Variants in PRKN observed in about 807,000 individuals in gnomAD.
The protein encoded by PRKN is E3 ubiquitin-protein ligase parkin.
A neutral mutation model predicts 59.5 loss-of-function variants in PRKN; 56 were observed. The observed-to-expected ratio is 0.94, with a 90% CI of 0.76 to 1.18. The LOEUF is 1.18. PRKN is among the 50% of genes most tolerant of loss of function. The pLI, the probability that PRKN is intolerant of heterozygous loss-of-function variation, is 0.00. For synonymous variants in PRKN, 250 were observed against 222.1 expected (o/e 1.13, Z -1.12); for missense variants, 657 against 596.4 (o/e 1.10, Z -1.06).
chr6:161,794,130 C>T (rs1465285974), intron 6 of PRKN, among the ~76,000 whole-genome samples: 1 of 151,998 alleles, frequency 6.6e-6, no homozygotes, highest in Non-Finnish European at 1.5e-5. Context: ...TTTAAAAGTT[C>T]CCTATCAAAT....
At chr6:162,115,472 G>C (rs1389895721) in intron 4 of PRKN, among the ~76,000 whole-genome samples, 1 of 150,366 alleles carries the variant, frequency 6.7e-6, no homozygotes, top group Non-Finnish European at 1.5e-5. Flanking sequence ...TTGTGCACAT[G>C]TACCCTAAAA....
At chr6:161,648,543 T>G (rs6919446) in intron 7 of PRKN, among the ~76,000 whole-genome samples, 6,406 of 152,062 alleles carry the variant, frequency 0.042, 492 homozygotes, top group African/African-American at 0.15. Context: ...TGGATTCTCA[T>G]AAAATTAAAC....
rs1175810183 is a variant in PRKN at position 161,451,830 on chromosome 6, C to T, written c.1084-64953G>A. Among the ~76,000 whole-genome samples the T allele has an allele frequency of 6.6e-6, 1 of 152,172 alleles. No homozygotes were observed. Among genetic ancestry groups the T allele is most frequent in the African/African-American group, 2.4e-5 (1 of 41,434 alleles). ...AGATTTCCTGGCCAGTCCATGGAAC[C>T]CTCAAAATAGGTCCCTTAATTTTGT... On this transcript the variant is annotated intron_variant, in intron 9 of 11. Transcript: ENST00000366898. The surrounding 1 kb of genome is among the most constrained non-coding windows in gnomAD (Gnocchi z 5.9).
At chr6:161,933,067 G>A (rs1361099641) in intron 6 of PRKN, among the ~76,000 whole-genome samples, 1 of 152,190 alleles carries the variant, frequency 6.6e-6, no homozygotes. Context: ...ATCACCTGAT[G>A]TCAGGAGTTC....
At chr6:162,020,971 T>G (rs11758840) in intron 5 of PRKN, among the ~76,000 whole-genome samples, 1 of 150,360 alleles carries the variant, frequency 6.7e-6, no homozygotes, top group East Asian at 2.0e-4. Context: ...GGCATGGTGG[T>G]GCGCACCTGT....
At position 161,442,952 on chromosome 6, in the gene PRKN, A is replaced by C. The variant is rs1039275854; in HGVS notation, c.1084-56075T>G. ...CATTCTCCCCAGTGCACAGATGAGG[A>C]AATCGGGGCTCTGAGAGGTTAACTG... On this transcript the variant is annotated intron_variant, in intron 9 of 11. Transcript: ENST00000366898. This position sits in a 1 kb window ranked among gnomAD's most constrained non-coding sequence, Gnocchi z 4.6. 1.3e-5 allele frequency among the ~76,000 whole-genome samples: 2 copies of C among 152,158 alleles called. No individual in the cohort carries two copies. Among genetic ancestry groups the C allele is most frequent in the African/African-American group, 4.8e-5 (2 of 41,416 alleles).
chr6:161,695,496 G>A (rs1201048329), intron 7 of PRKN, among the ~76,000 whole-genome samples: 1 of 152,126 alleles, frequency 6.6e-6, no homozygotes, highest in Non-Finnish European at 1.5e-5. Context: ...TCTCAGCAAA[G>A]GCCTGATCTC....
chr6:162,471,394 C>T (rs963412489), intron 1 of PRKN, among the ~76,000 whole-genome samples: 28 of 152,116 alleles, frequency 1.8e-4, no homozygotes, highest in African/African-American at 6.5e-4. Context: ...CACTGTACCT[C>T]GCCTCCACAC....
At chr6:161,643,105 C>T (rs1158043134) in intron 7 of PRKN, among the ~76,000 whole-genome samples, 3 of 152,186 alleles carry the variant, frequency 2.0e-5, no homozygotes, top group African/African-American at 7.2e-5. Flanking sequence ...AATAGCTCAA[C>T]AATAGTTTTC....
intron 7 of PRKN, among the ~76,000 whole-genome samples, chr6:161,629,878 T>C (rs1783233553): frequency 6.6e-6 from 1 of 152,214 alleles, no homozygotes; most frequent in South Asian, 2.1e-4. Context: ...AAAAGCTTTG[T>C]TGACAAGCCC....
At chr6:162,179,119 A>G (rs1311329393) in intron 4 of PRKN, among the ~76,000 whole-genome samples, 1 of 152,138 alleles carries the variant, frequency 6.6e-6, no homozygotes, top group East Asian at 1.9e-4. Flanking sequence ...GCTTCAAGCA[A>G]CGCTCCTGCC....
chr6:161,902,441 C>A (rs1274431411), intron 6 of PRKN, among the ~76,000 whole-genome samples: 2 of 151,942 alleles, frequency 1.3e-5, no homozygotes, highest in Non-Finnish European at 2.9e-5. Flanking sequence ...TATGGTTTTG[C>A]TTATTCACTC....
At chr6:162,018,832 G>A (rs73030432) in intron 5 of PRKN, among the ~76,000 whole-genome samples, 32,180 of 152,044 alleles carry the variant, frequency 0.21, 3,581 homozygotes, top group African/African-American at 0.29. Context: ...ATGACTTTAT[G>A]TTATCTGAAA....
chr6:161,689,465 G>A (rs6455760), intron 7 of PRKN, among the ~76,000 whole-genome samples: 18,691 of 152,070 alleles, frequency 0.12, 1,231 homozygotes, highest in African/African-American at 0.14. Flanking sequence ...AGACTGTTCA[G>A]CACCCTGTAG....
chr6:161,998,080 TG>T (rs1781912859), intron 5 of PRKN, among the ~76,000 whole-genome samples: 1 of 152,166 alleles, frequency 6.6e-6, no homozygotes, highest in Non-Finnish European at 1.5e-5. Context: ...ATATATTATA[TG>T]GTTATTATAT....
chr6:161,806,378 AAAGCACC>A (rs1373511282), intron 6 of PRKN, among the ~76,000 whole-genome samples: 1 of 152,150 alleles, frequency 6.6e-6, no homozygotes, highest in Non-Finnish European at 1.5e-5. Context: ...TTTGGACTCG[AAAGCACC>A]CGCATCATTT....
intron 1 of PRKN, among the ~76,000 whole-genome samples, chr6:162,483,035 TATA>T (rs1160612359): frequency 1.2e-4 from 18 of 152,218 alleles, no homozygotes; most frequent in African/African-American, 3.4e-4. Context: ...ATACTATGAT[TATA>T]ATGACTATAT....
intron 1 of PRKN, among the ~76,000 whole-genome samples, chr6:162,725,987 AT>A: frequency 6.6e-6 from 1 of 152,250 alleles, no homozygotes; most frequent in South Asian, 2.1e-4. Flanking sequence ...AACCAACCTT[AT>A]ATTCTCCATG....
chr6:162,103,564 T>G (rs1223561565), intron 4 of PRKN, among the ~76,000 whole-genome samples: 1 of 151,420 alleles, frequency 6.6e-6, no homozygotes, highest in Non-Finnish European at 1.5e-5. Context: ...GGGCAATATA[T>G]CAAACATTGC....
Sources: allele counts gnomAD v4.1 joint callset (sites outside exome capture counted in the v4.1 genomes callset), GRCh38; gene constraint gnomAD v4.1.1; non-coding constraint Gnocchi (gnomAD v3.1); transcripts MANE v1.5; gene names NCBI Gene and HGNC (gene_info 2026-07-23, HGNC 2026-07-21).